The following RNF152 variants were observed in gnomAD, a reference collection of about 807,000 sequenced individuals.
The protein encoded by RNF152 is E3 ubiquitin-protein ligase RNF152.
A neutral mutation model predicts 12.7 loss-of-function variants in RNF152; 11 were observed. The observed-to-expected ratio is 0.86, with a 90% confidence interval of 0.54 to 1.43. RNF152 has a LOEUF of 1.43. Among genes scored for constraint, RNF152 ranks in the 40% most tolerant of loss-of-function variants. RNF152 has a pLI of 0.00. For missense variants in RNF152, 255 were observed against 274.8 expected, an observed-to-expected ratio of 0.93 and a Z score of 0.51; for synonymous variants, 113 against 120.3, an observed-to-expected ratio of 0.94 and a Z score of 0.40.
In RNF152 at chr18:61,816,240, AC is replaced by A; in HGVS notation, c.223del (p.Val75SerfsTer59). ...SVSQLPDDPEVLAVIAIPHTS... is the reference protein window; with the variant it reads ...SVSQLPDDPEXLAVIAIPHTS... ...GTGTGGAATGGCGATGACAGCCAGGACCTCCGGGTCGTCCGGGAGCTGCGAC... is the reference window on the plus strand; with the variant it reads ...GTGTGGAATGGCGATGACAGCCAGGACTCCGGGTCGTCCGGGAGCTGCGAC... On this transcript the variant is annotated frameshift_variant, in exon 2 of 2. Coordinates refer to ENST00000312828, the MANE Select transcript of RNF152 (RefSeq NM_173557.3). LOFTEE classifies it high-confidence loss of function. 3 of 1,614,100 alleles carry A rather than the reference AC, an allele frequency of 1.9e-6. No homozygotes were observed. Among genetic ancestry groups the A allele is most frequent in the Non-Finnish European group, 2.5e-6 (3 of 1,180,018 alleles).
chr18:61,850,399 A>T (rs1195657312), intron 1 of RNF152, among the ~76,000 whole-genome samples: 1 of 152,238 alleles, frequency 6.6e-6, no homozygotes, highest in Non-Finnish European at 1.5e-5. Context: ...TAAGTGAAAT[A>T]GGTGACAAAA....
intron 1 of RNF152, among the ~76,000 whole-genome samples, chr18:61,861,203 C>T (rs1333713339): frequency 6.6e-6 from 1 of 151,238 alleles, no homozygotes; most frequent in Non-Finnish European, 1.5e-5. Context: ...ATCCACTCAC[C>T]ACTCACATCC....
chr18:61,827,444 C>T (rs1909720070), intron 1 of RNF152, among the ~76,000 whole-genome samples: 1 of 152,128 alleles, frequency 6.6e-6, no homozygotes, highest in African/African-American at 2.4e-5. Flanking sequence ...AAAAAACAAA[C>T]AACAACAACA....
At chr18:61,883,382 T>C (rs1414295987) in intron 1 of RNF152, among the ~76,000 whole-genome samples, 1 of 152,194 alleles carries the variant, frequency 6.6e-6, no homozygotes, top group African/African-American at 2.4e-5. Flanking sequence ...ACAGTTCTCT[T>C]CTTTTTAATA....
intron 1 of RNF152, among the ~76,000 whole-genome samples, chr18:61,880,789 T>C (rs978986808): frequency 6.6e-6 from 1 of 152,232 alleles, no homozygotes; most frequent in African/African-American, 2.4e-5. Flanking sequence ...TAAACAACAG[T>C]TGTTCTTCAT....
rs1411142282 is a variant in RNF152 at position 61,811,106 on chromosome 18, T to G, written c.*4746A>C. ...AGCTAAGAAGGAAAGTCTTGCACAT[T>G]GATGAGTTCTAGAAAAAAAAAATCA... On this transcript the variant is annotated 3_prime_UTR_variant, in exon 2 of 2. Transcript: ENST00000312828. The G allele has an allele frequency of 1.3e-5, 2 of 152,054 alleles. No individual in the cohort carries two copies. Among genetic ancestry groups the G allele is most frequent in the Non-Finnish European group, 2.9e-5 (2 of 68,016 alleles). 9.4% of individuals were successfully genotyped at this position (152,054 alleles called of 1,614,324 possible).
At chr18:61,852,473 C>G (rs1195108337) in intron 1 of RNF152, among the ~76,000 whole-genome samples, 1 of 152,184 alleles carries the variant, frequency 6.6e-6, no homozygotes, top group Non-Finnish European at 1.5e-5. Context: ...ATACACTGAT[C>G]TGTGTATATC....
chr18:61,834,758 C>T (rs1043579796), intron 1 of RNF152, among the ~76,000 whole-genome samples: 2 of 152,194 alleles, frequency 1.3e-5, no homozygotes, highest in Admixed American at 6.5e-5. Flanking sequence ...AAGATTCATA[C>T]ATTATCAGTA....
intron 1 of RNF152, among the ~76,000 whole-genome samples, chr18:61,823,138 G>A (rs995350362): frequency 6.6e-6 from 1 of 152,202 alleles, no homozygotes; most frequent in African/African-American, 2.4e-5. Context: ...TCCAATTGAC[G>A]TAACTACAGT....
intron 1 of RNF152, among the ~76,000 whole-genome samples, chr18:61,832,217 T>C (rs1909983485): frequency 6.6e-6 from 1 of 152,206 alleles, no homozygotes; most frequent in Admixed American, 6.5e-5. Flanking sequence ...ATATTTTTGA[T>C]TGGGGTGAAT....
intron 1 of RNF152, among the ~76,000 whole-genome samples, chr18:61,878,414 C>T (rs564876106): frequency 8.5e-5 from 13 of 152,202 alleles, no homozygotes; most frequent in African/African-American, 1.7e-4. Flanking sequence ...CAGGTCCATG[C>T]TCAGGTCTAA....
intron 1 of RNF152, among the ~76,000 whole-genome samples, chr18:61,850,177 C>T (rs1056401966): frequency 1.3e-5 from 2 of 152,212 alleles, no homozygotes; most frequent in East Asian, 1.9e-4. Context: ...GCTGCTTGAA[C>T]GTGGGCAAGT....
intron 1 of RNF152, among the ~76,000 whole-genome samples, chr18:61,836,172 T>C (rs141557616): frequency 7.7e-4 from 118 of 152,326 alleles, no homozygotes; most frequent in African/African-American, 2.7e-3. Context: ...AAATGGTTGA[T>C]TCCAGGTCTG....
intron 1 of RNF152, among the ~76,000 whole-genome samples, chr18:61,826,712 T>C (rs1347712225): frequency 2.6e-5 from 4 of 152,214 alleles, no homozygotes; most frequent in African/African-American, 7.2e-5. Context: ...CTACATCATT[T>C]TCCATTAGCC....
At chr18:61,851,504 C>T (rs980330541) in intron 1 of RNF152, among the ~76,000 whole-genome samples, 1 of 152,156 alleles carries the variant, frequency 6.6e-6, no homozygotes, top group Non-Finnish European at 1.5e-5. Flanking sequence ...CTTATCTCAT[C>T]CTTACAACAG....
At position 61,814,066 on chromosome 18, in the gene RNF152, T is replaced by C. The variant is rs987652678; in HGVS notation, c.*1786A>G. The stretch of plus-strand genomic sequence containing the variant: ...AATACATTTCCTAAAGGTTTTATGA[T>C]CAATTTGAAAAATCAGAGCTCACAA... On this transcript the variant is annotated 3_prime_UTR_variant, in exon 2 of 2. Transcript: ENST00000312828. 1.3e-5 allele frequency: 2 copies of C among 152,224 alleles called. No homozygotes were observed. Among genetic ancestry groups the C allele is most frequent in the African/African-American group, 2.4e-5 (1 of 41,464 alleles). The allele number at this position is 152,224 out of a possible 1,614,324, so 9.4% of individuals were successfully genotyped here. A position where few individuals can be genotyped will look rare whatever the true frequency, so the allele number is the denominator to read the frequency against.
At chr18:61,850,514 C>T (rs940006796) in intron 1 of RNF152, among the ~76,000 whole-genome samples, 1 of 152,104 alleles carries the variant, frequency 6.6e-6, no homozygotes, top group African/African-American at 2.4e-5. Context: ...ATTATGATCA[C>T]CATCAAACTT....
chr18:61,862,587 A>G (rs1010729111), intron 1 of RNF152, among the ~76,000 whole-genome samples: 1 of 152,254 alleles, frequency 6.6e-6, no homozygotes, highest in Non-Finnish European at 1.5e-5. Flanking sequence ...GCTTCCAGAC[A>G]GCTGAACATG....
At chr18:61,844,130 GAAAGAA>G (rs1200680663) in intron 1 of RNF152, among the ~76,000 whole-genome samples, 53 of 134,378 alleles carry the variant, frequency 3.9e-4, no homozygotes, top group African/African-American at 1.3e-3. Flanking sequence ...AAGAAAGAAA[GAAAGAA>G]AGAAATTAAG....
Sources: allele counts gnomAD v4.1 joint callset (sites outside exome capture counted in the v4.1 genomes callset), GRCh38; gene constraint gnomAD v4.1.1; transcripts MANE v1.5; gene names NCBI Gene and HGNC (gene_info 2026-07-23, HGNC 2026-07-21).